Variants in ZC3H12B observed in about 807,000 individuals in gnomAD.
ZC3H12B encodes the protein zinc finger CCCH-type containing 12B, also known as probable ribonuclease ZC3H12B.
A neutral mutation model predicts 43.9 loss-of-function variants in ZC3H12B; 7 were observed. The ratio of observed to expected loss-of-function variants is 0.16; its 90% confidence interval spans 0.09 to 0.30. ZC3H12B has a LOEUF of 0.30. Among genes scored for constraint, ZC3H12B ranks in the 10% least tolerant of loss-of-function variants. ZC3H12B has a pLI of 1.00. For missense variants in ZC3H12B, 475 were observed against 670.2 expected (o/e 0.71, Z 3.22); for synonymous variants, 222 against 241.7 (o/e 0.92, Z 0.76).
At chrX:65,370,931 A>G (rs1269469553) in intron 2 of ZC3H12B, among the ~76,000 whole-genome samples, 1 of 111,860 alleles carries the variant, frequency 8.9e-6, no homozygotes, top group African/African-American at 3.2e-5. Flanking sequence ...CCAGAGTTCC[A>G]ATCCTGATTT....
At chrX:65,503,292 A>G (rs1156476825) in exon 5 of ZC3H12B, 10 of 857,356 alleles carry the variant, frequency 1.2e-5, no homozygotes, top group Non-Finnish European at 1.6e-5. Context: ...GTAACTAATA[A>G]TTTGTGTTGC....
At chrX:65,084,899 T>A in the ZC3H12B span, among the ~76,000 whole-genome samples, 1 of 112,694 alleles carries the variant, frequency 8.9e-6, no homozygotes, top group African/African-American at 3.2e-5. Context: ...AACATGGTAC[T>A]TAGATACAAC....
chrX:65,188,356 C>A, the ZC3H12B span, among the ~76,000 whole-genome samples: 1 of 91,220 alleles, frequency 1.1e-5, no homozygotes, highest in East Asian at 3.5e-4. Context: ...TGTGGTTGCT[C>A]TATTTTTTTT....
chrX:65,227,105 A>G, the ZC3H12B span, among the ~76,000 whole-genome samples: 1 of 111,533 alleles, frequency 9.0e-6, no homozygotes, highest in African/African-American at 3.3e-5. Context: ...CACCACACCT[A>G]TTCCAAAATT....
At chrX:65,157,972 G>T in the ZC3H12B span, among the ~76,000 whole-genome samples, 8 of 89,407 alleles carry the variant, frequency 8.9e-5, no homozygotes, top group Admixed American at 3.0e-4. Flanking sequence ...CCTTCCTGTG[G>T]CCATGTGTTC....
chrX:65,220,378 G>A, the ZC3H12B span, among the ~76,000 whole-genome samples: 8 of 111,540 alleles, frequency 7.2e-5, no homozygotes, highest in Non-Finnish European at 1.5e-4. Flanking sequence ...GAATGTAAAT[G>A]GCCTAAATGC....
the ZC3H12B span, among the ~76,000 whole-genome samples, chrX:65,151,710 G>A: frequency 9.0e-6 from 1 of 111,309 alleles, no homozygotes; most frequent in Admixed American, 9.6e-5. Flanking sequence ...CAAAAAGAAG[G>A]AATCCTCCCT....
At chrX:65,474,130 T>A (rs1234058006) in intron 3 of ZC3H12B, among the ~76,000 whole-genome samples, 2 of 112,373 alleles carry the variant, frequency 1.8e-5, no homozygotes, top group African/African-American at 6.5e-5. Context: ...ATATTTGCTT[T>A]ATATATTTAG....
the ZC3H12B span, among the ~76,000 whole-genome samples, chrX:65,247,188 G>A: frequency 8.9e-6 from 1 of 112,107 alleles, no homozygotes; most frequent in South Asian, 3.8e-4. Flanking sequence ...CCGCAATGAA[G>A]GCCATGTAAC....
chrX:65,428,461 C>A (rs752848021), intron 3 of ZC3H12B, among the ~76,000 whole-genome samples: 1 of 112,143 alleles, frequency 8.9e-6, no homozygotes, highest in Non-Finnish European at 1.9e-5. Flanking sequence ...GTTTTAATTC[C>A]TTTTTCTCTA....
the ZC3H12B span, among the ~76,000 whole-genome samples, chrX:65,143,050 T>C: frequency 9.0e-6 from 1 of 110,897 alleles, no homozygotes; most frequent in Non-Finnish European, 1.9e-5. Flanking sequence ...ATAATGGTGG[T>C]ATTTTGATGG....
chrX:65,306,732 T>C, the ZC3H12B span, among the ~76,000 whole-genome samples: 4 of 112,161 alleles, frequency 3.6e-5, no homozygotes, highest in Admixed American at 1.9e-4. Context: ...GAGATTGTTA[T>C]ACACATATTT....
intron 3 of ZC3H12B, among the ~76,000 whole-genome samples, chrX:65,478,703 C>G (rs2068027446): frequency 8.9e-6 from 1 of 112,331 alleles, no homozygotes; most frequent in South Asian, 3.7e-4. Flanking sequence ...CTCTCAACAC[C>G]TAGAAAGCAT....
chrX:65,168,201 A>T, the ZC3H12B span, among the ~76,000 whole-genome samples: 2 of 111,851 alleles, frequency 1.8e-5, no homozygotes, highest in South Asian at 7.5e-4. Context: ...TTATTTTGAG[A>T]TACGTCCCAT....
At chrX:65,466,008 A>T (rs2067813052) in intron 3 of ZC3H12B, among the ~76,000 whole-genome samples, 1 of 110,613 alleles carries the variant, frequency 9.0e-6, no homozygotes, top group Admixed American at 9.8e-5. Context: ...ATATGTGATG[A>T]GCACACTTGA....
chrX:65,180,336 G>T, the ZC3H12B span, among the ~76,000 whole-genome samples: 1 of 111,743 alleles, frequency 8.9e-6, no homozygotes, highest in Non-Finnish European at 1.9e-5. Flanking sequence ...AATAAACTAG[G>T]TATTGATGGA....
chrX:65,412,562 G>A (rs1266831827), intron 3 of ZC3H12B, among the ~76,000 whole-genome samples: 1 of 111,280 alleles, frequency 9.0e-6, no homozygotes, highest in Non-Finnish European at 1.9e-5. Flanking sequence ...TGACCTCCGG[G>A]GCTCAATTGA....
chrX:65,137,316 T>C, the ZC3H12B span, among the ~76,000 whole-genome samples: 1 of 112,238 alleles, frequency 8.9e-6, no homozygotes, highest in African/African-American at 3.2e-5. Flanking sequence ...TTAAGCTTTG[T>C]GAAAACAGTT....
the ZC3H12B span, among the ~76,000 whole-genome samples, chrX:65,168,521 C>T: frequency 9.1e-6 from 1 of 109,644 alleles, no homozygotes; most frequent in Admixed American, 9.8e-5. Flanking sequence ...TGCGTCTCTG[C>T]CAGGCTTTGG....
Sources: allele counts gnomAD v4.1 joint callset (sites outside exome capture counted in the v4.1 genomes callset), GRCh38; gene constraint gnomAD v4.1.1; transcripts MANE v1.5; gene names NCBI Gene and HGNC (gene_info 2026-07-23, HGNC 2026-07-21).